GRID1: variants seen among roughly 807,000 people sequenced by gnomAD.
GRID1 encodes the protein glutamate receptor ionotropic, delta-1.
In GRID1, 28 loss-of-function variants were observed where a neutral mutation model predicts 98.0. The ratio of observed to expected loss-of-function variants is 0.29; its 90% CI spans 0.21 to 0.39. GRID1 has a LOEUF of 0.39. Among genes scored for constraint, GRID1 ranks in the 10% least tolerant of loss-of-function variants. The pLI is 1.00. For synonymous variants in GRID1, 553 were observed against 538.5 expected (o/e 1.03, Z -0.37); for missense variants, 1,111 against 1,340.5 (o/e 0.83, Z 2.67).
chr10:86,062,628 G>A (rs1035130367), intron 4 of GRID1, among the ~76,000 whole-genome samples: 12 of 152,142 alleles, frequency 7.9e-5, no homozygotes, highest in Admixed American at 2.6e-4. Flanking sequence ...AGTACCTGGT[G>A]GAGTCCCCAC....
chr10:86,148,484 T>G (rs1845117368), intron 3 of GRID1, among the ~76,000 whole-genome samples: 1 of 152,106 alleles, frequency 6.6e-6, no homozygotes. Context: ...ACTGGGGAGA[T>G]GCTGGTCAAA....
At chr10:86,318,023 A>G (rs1001446624) in intron 2 of GRID1, among the ~76,000 whole-genome samples, 1 of 152,264 alleles carries the variant, frequency 6.6e-6, no homozygotes, top group South Asian at 2.1e-4. Context: ...TTACTGGCAC[A>G]AGCCACTGCC....
intron 2 of GRID1, among the ~76,000 whole-genome samples, chr10:86,324,668 C>A (rs149564746): frequency 6.6e-6 from 1 of 151,976 alleles, no homozygotes; most frequent in Non-Finnish European, 1.5e-5. Flanking sequence ...AAAAGTAGCA[C>A]AAGAAAGCAT....
intron 2 of GRID1, among the ~76,000 whole-genome samples, chr10:86,208,735 G>T (rs1846069389): frequency 6.6e-6 from 1 of 152,304 alleles, no homozygotes; most frequent in East Asian, 1.9e-4. Context: ...GGTCATGCCT[G>T]CTGTGTTCAC....
chr10:86,161,332 G>A (rs984584226), intron 3 of GRID1, among the ~76,000 whole-genome samples: 4 of 152,156 alleles, frequency 2.6e-5, no homozygotes, highest in Admixed American at 2.6e-4. Context: ...GTGTAAGAGG[G>A]AAGACAGGGC....
intron 4 of GRID1, among the ~76,000 whole-genome samples, chr10:85,954,425 C>G (rs1441865119): frequency 2.0e-5 from 3 of 152,146 alleles, no homozygotes; most frequent in Non-Finnish European, 4.4e-5. Flanking sequence ...AATAGGAAAT[C>G]TTCAGAAATT....
intron 2 of GRID1, among the ~76,000 whole-genome samples, chr10:86,222,157 A>AG (rs1273756866): frequency 2.0e-5 from 3 of 152,082 alleles, no homozygotes; most frequent in Non-Finnish European, 2.9e-5. Context: ...CCAGGCCTAG[A>AG]GGGGGGGCCA....
intron 2 of GRID1, among the ~76,000 whole-genome samples, chr10:86,355,370 T>A (rs1010984430): frequency 9.9e-5 from 15 of 152,172 alleles, no homozygotes; most frequent in Non-Finnish European, 5.9e-5. Context: ...GGAGATGCAG[T>A]CTCAGAGCCC....
intron 13 of GRID1, among the ~76,000 whole-genome samples, chr10:85,634,527 G>A (rs1261954698): frequency 6.6e-6 from 1 of 152,118 alleles, no homozygotes; most frequent in Non-Finnish European, 1.5e-5. Context: ...ATGGTAGAAA[G>A]AGACAGCTAA....
chr10:85,796,370 A>C (rs1842526200), intron 8 of GRID1, among the ~76,000 whole-genome samples: 1 of 152,312 alleles, frequency 6.6e-6, no homozygotes, highest in South Asian at 2.1e-4. Flanking sequence ...AAGAATACAT[A>C]CTATAACAAA....
At chr10:85,897,478 GC>G (rs1369942649) in intron 5 of GRID1, among the ~76,000 whole-genome samples, 1 of 152,150 alleles carries the variant, frequency 6.6e-6, no homozygotes, top group Non-Finnish European at 1.5e-5. Flanking sequence ...CAATACACTG[GC>G]CCCTCAGGAA....
Position 86,251,413 on chromosome 10 carries a change from GC to G in GRID1, c.236-44766del, listed in dbSNP as rs566417177. The stretch of plus-strand genomic sequence containing the variant: ...TTTATATGCAATATGACATATTTAT[GC>G]CAAATTACTGACAGCATTGGGGCCA... On this transcript the variant is annotated intron_variant, in intron 2 of 15. Coordinates refer to ENST00000327946, the MANE Select transcript of GRID1 (RefSeq NM_017551.3). Among the ~76,000 whole-genome samples the G allele has an allele frequency of 1.4e-3, 213 of 151,502 alleles. 1 individual carries two copies. Among genetic ancestry groups the G allele is most frequent in the Middle Eastern group, 6.9e-3 (2 of 288 alleles).
At chr10:86,324,798 T>G (rs1848023883) in intron 2 of GRID1, among the ~76,000 whole-genome samples, 1 of 151,934 alleles carries the variant, frequency 6.6e-6, no homozygotes, top group South Asian at 2.1e-4. Flanking sequence ...GAGATTTTTT[T>G]CATCATGACA....
At chr10:85,994,769 T>C (rs762206205) in intron 4 of GRID1, among the ~76,000 whole-genome samples, 2 of 152,202 alleles carry the variant, frequency 1.3e-5, no homozygotes, top group Non-Finnish European at 2.9e-5. Context: ...TAAGATGGCC[T>C]ATGCTTTTAC....
At chr10:85,743,113 C>CCCG (rs1554828636) in intron 8 of GRID1, among the ~76,000 whole-genome samples, 1 of 134,178 alleles carries the variant, frequency 7.5e-6, no homozygotes, top group Non-Finnish European at 1.7e-5. Context: ...CAGCCCCCCC[C>CCCG]CCCACCACCC....
intron 4 of GRID1, among the ~76,000 whole-genome samples, chr10:86,047,243 G>A (rs1431826643): frequency 6.6e-6 from 1 of 152,208 alleles, no homozygotes; most frequent in Non-Finnish European, 1.5e-5. Context: ...CTGGGCCCTG[G>A]TGGGAGAAGG....
chr10:85,683,959 A>G (rs1184249856), intron 12 of GRID1, among the ~76,000 whole-genome samples: 1 of 152,232 alleles, frequency 6.6e-6, no homozygotes, highest in African/African-American at 2.4e-5. Context: ...GATTACAGCC[A>G]TGTGACTAGA....
intron 2 of GRID1, among the ~76,000 whole-genome samples, chr10:86,269,761 G>A (rs1442319318): frequency 6.6e-6 from 1 of 152,190 alleles, no homozygotes; most frequent in Non-Finnish European, 1.5e-5. Context: ...GGCACATCCT[G>A]TTTGCTTTTT....
chr10:85,906,123 A>G (rs536739890), intron 5 of GRID1, among the ~76,000 whole-genome samples: 1 of 152,256 alleles, frequency 6.6e-6, no homozygotes, highest in East Asian at 1.9e-4. Flanking sequence ...CAGATAAACT[A>G]TATTTCAGAG....
Sources: gnomAD v4.1 joint callset for allele counts (sites outside exome capture counted in the v4.1 genomes callset) on GRCh38, gnomAD v4.1.1 for gene constraint, MANE v1.5 for transcripts, NCBI Gene and HGNC (gene_info 2026-07-23, HGNC 2026-07-21) for gene names.